The following ELL2 variants were observed in gnomAD, a reference collection of about 807,000 sequenced individuals.
ELL2 encodes elongation factor for RNA polymerase II 2.
Under a neutral mutation model 72.8 loss-of-function variants are expected in ELL2, and 21 were observed. That is an observed-to-expected ratio of 0.29 (90% CI 0.20 to 0.42). The LOEUF is 0.42. ELL2 is among the 10% of genes least tolerant of loss of function. The probability of loss-of-function intolerance (pLI) is 1.00; values close to 1 mark genes in which losing one functional copy is unlikely to be tolerated. For missense variants in ELL2, 568 were observed against 772.8 expected, an observed-to-expected ratio of 0.73 and a Z score of 3.14; for synonymous variants, 266 against 283.2, an observed-to-expected ratio of 0.94 and a Z score of 0.61.
At chr5:95,934,816 C>A (rs1750718809) in intron 2 of ELL2, among the ~76,000 whole-genome samples, 2 of 152,084 alleles carry the variant, frequency 1.3e-5, no homozygotes, top group Non-Finnish European at 2.9e-5. Flanking sequence ...CCAAAAATTT[C>A]TTTTATGTTT....
intron 5 of ELL2, among the ~76,000 whole-genome samples, chr5:95,903,915 C>T (rs1198912535): frequency 6.6e-6 from 1 of 152,158 alleles, no homozygotes; most frequent in African/African-American, 2.4e-5. Context: ...AATTGCTCAG[C>T]CAAAAACCTA....
intron 5 of ELL2, 89 bp downstream of exon 5, chr5:95,906,434 T>A: frequency 7.2e-7 from 1 of 1,393,014 alleles, no homozygotes; most frequent in Non-Finnish European, 9.7e-7. Flanking sequence ...TCTATCTCAA[T>A]AATAATGATA....
chr5:95,893,165 C>T (rs1748729720), intron 9 of ELL2, among the ~76,000 whole-genome samples: 1 of 151,922 alleles, frequency 6.6e-6, no homozygotes, highest in South Asian at 2.1e-4. Flanking sequence ...AACTGTGTTG[C>T]TATTATAGAA....
rs200392299 is a variant in ELL2, at chr5:95,888,493, G to GTTGT, written c.*374_*377dup. 836 of 157,462 alleles carry GTTGT rather than the reference G, an allele frequency of 5.3e-3. 16 individuals are homozygous for GTTGT. The highest frequency in any genetic ancestry group is 0.019 in the African/African-American group (783 of 41,668). 9.8% of individuals were successfully genotyped at this position (157,462 alleles called of 1,614,324 possible). A position where few individuals can be genotyped will look rare whatever the true frequency, so the allele number is the denominator to read the frequency against. On this transcript the variant is annotated 3_prime_UTR_variant, in exon 12 of 12. Coordinates refer to ENST00000237853, the MANE Select transcript of ELL2 (RefSeq NM_012081.6). ...GCATTTCACCTTGCACATTACTGTT[G>GTTGT]TTGTTTTTTAAACACATACAACTTT...
intron 9 of ELL2, among the ~76,000 whole-genome samples, chr5:95,894,613 C>T (rs1415358239): frequency 6.6e-6 from 1 of 152,188 alleles, no homozygotes. Flanking sequence ...TAAAACCATA[C>T]ACTACCTCAG....
chr5:95,895,517 G>A, intron 9 of ELL2, 111 bp downstream of exon 9: 1 of 966,374 alleles, frequency 1.0e-6, no homozygotes, highest in Non-Finnish European at 1.6e-6. Context: ...GGTGGCTCCA[G>A]GACTCTATTT....
chr5:95,958,757 T>C (rs894858614), intron 1 of ELL2, among the ~76,000 whole-genome samples: 15 of 152,266 alleles, frequency 9.9e-5, no homozygotes, highest in Admixed American at 8.5e-4. Flanking sequence ...TAGAGAGATC[T>C]GGGAAAAAGT....
At chr5:95,940,868 G>A (rs1019872195) in intron 2 of ELL2, among the ~76,000 whole-genome samples, 2 of 152,056 alleles carry the variant, frequency 1.3e-5, no homozygotes, top group African/African-American at 4.8e-5. Context: ...CACATCGGTG[G>A]CCCTGCGTCT....
rs112591215 is a variant in ELL2 at position 95,929,711 on chromosome 5, A to T, written c.196-10166T>A. On this transcript the variant is annotated intron_variant, in intron 2 of 11. Coordinates refer to ENST00000237853, the MANE Select transcript of ELL2 (RefSeq NM_012081.6). Reference sequence around the variant, plus strand: ...ATTATAAATGGATTTGAAATAGATGACTTAAGAATCTGTTGAGAACCAGGG... The same window carrying T: ...ATTATAAATGGATTTGAAATAGATGTCTTAAGAATCTGTTGAGAACCAGGG... 4.2e-3 allele frequency among the ~76,000 whole-genome samples: 640 copies of T among 152,038 alleles called. 8 individuals carry two copies. Among genetic ancestry groups the T allele is most frequent in the African/African-American group, 0.015 (616 of 41,502 alleles).
At chr5:95,910,043 T>A (rs905415404) in intron 4 of ELL2, among the ~76,000 whole-genome samples, 4 of 152,186 alleles carry the variant, frequency 2.6e-5, no homozygotes, top group African/African-American at 9.7e-5. Flanking sequence ...AAGGGAAATC[T>A]CCACCACTTG....
intron 2 of ELL2, among the ~76,000 whole-genome samples, chr5:95,932,124 C>G (rs937222638): frequency 6.6e-6 from 1 of 151,982 alleles, no homozygotes; most frequent in Non-Finnish European, 1.5e-5. Flanking sequence ...AAATTTATTT[C>G]TATTCAGTTT....
intron 1 of ELL2, among the ~76,000 whole-genome samples, chr5:95,961,194 C>T (rs1751833306): frequency 6.6e-6 from 1 of 152,118 alleles, no homozygotes; most frequent in Non-Finnish European, 1.5e-5. Flanking sequence ...ATACGCTGCT[C>T]GCTACCCTCC....
intron 5 of ELL2, among the ~76,000 whole-genome samples, chr5:95,902,949 T>G (rs1274843828): frequency 6.6e-6 from 1 of 151,636 alleles, no homozygotes; most frequent in Non-Finnish European, 1.5e-5. Context: ...GCCCGGCTAG[T>G]TTTTGTATTT....
intron 7 of ELL2, among the ~76,000 whole-genome samples, chr5:95,899,474 T>C (rs899083465): frequency 1.3e-5 from 2 of 151,992 alleles, no homozygotes; most frequent in African/African-American, 4.8e-5. Flanking sequence ...TACCGTTACA[T>C]ATCTCTTTAC....
chr5:95,898,216 C>G (rs148844512), intron 8 of ELL2, 24 bp downstream of exon 8: 2 of 1,556,336 alleles, frequency 1.3e-6, no homozygotes, highest in African/African-American at 2.8e-5. Context: ...GCATGCACTT[C>G]TGGTTCATCT....
intron 8 of ELL2, among the ~76,000 whole-genome samples, chr5:95,897,242 T>G (rs1380043119): frequency 1.3e-5 from 2 of 152,220 alleles, no homozygotes; most frequent in Non-Finnish European, 2.9e-5. Context: ...ATTACAGACT[T>G]TCAGAATCAT....
chr5:95,906,815 T>C, intron 4 of ELL2, 33 bp from the exon 5 acceptor site: 1 of 1,571,110 alleles, frequency 6.4e-7, no homozygotes, highest in East Asian at 2.3e-5. Flanking sequence ...TTGTTACACA[T>C]TTGTGGGTTA....
intron 3 of ELL2, among the ~76,000 whole-genome samples, chr5:95,918,388 G>A (rs2112308853): frequency 6.6e-6 from 1 of 152,350 alleles, no homozygotes; most frequent in East Asian, 1.9e-4. Flanking sequence ...AAACATTTAA[G>A]TTTGAAGGTG....
chr5:95,915,272 T>G (rs1036305609), intron 3 of ELL2, among the ~76,000 whole-genome samples: 2 of 152,130 alleles, frequency 1.3e-5, no homozygotes, highest in Non-Finnish European at 2.9e-5. Flanking sequence ...CCAGCTAATT[T>G]TTGTATTTTT....
Sources: gnomAD v4.1 joint callset for allele counts (sites outside exome capture counted in the v4.1 genomes callset) on GRCh38, gnomAD v4.1.1 for gene constraint, MANE v1.5 for transcripts, NCBI Gene and HGNC (gene_info 2026-07-23, HGNC 2026-07-21) for gene names.